Variants in LHFPL3 observed in about 807,000 individuals in gnomAD.
The protein encoded by LHFPL3 is LHFPL tetraspan subfamily member 3 protein.
A neutral mutation model predicts 19.3 loss-of-function variants in LHFPL3; 5 were observed. The ratio of observed to expected loss-of-function variants is 0.26; its 90% CI spans 0.14 to 0.54. LHFPL3 has a LOEUF of 0.54. Among genes scored for constraint, LHFPL3 ranks in the 20% least tolerant of loss-of-function variants. LHFPL3 has a pLI of 0.94. For synonymous variants in LHFPL3, 133 were observed against 126.2 expected (o/e 1.05, Z -0.36); for missense variants, 249 against 307.4 (o/e 0.81, Z 1.42).
Position 104,879,618 on chromosome 7 carries a change from G to A in LHFPL3, c.683-26569G>A, listed in dbSNP as rs191233056. ...CACACACTTGTAGTCCTAGCTACTC[G>A]AGAGGCTGAGGTAGGAGGATTACTT... On this transcript the variant is annotated intron_variant, in intron 2 of 2. Transcript: ENST00000424859. 1.9e-3 allele frequency among the ~76,000 whole-genome samples: 285 copies of A among 152,232 alleles called. 1 individual carries two copies. Among genetic ancestry groups the A allele is most frequent in the African/African-American group, 6.4e-3 (264 of 41,534 alleles).
chr7:104,852,301 A>G (rs1791427904), intron 2 of LHFPL3, among the ~76,000 whole-genome samples: 1 of 152,232 alleles, frequency 6.6e-6, no homozygotes, highest in Admixed American at 6.5e-5. Context: ...AGAAGCCACA[A>G]ATGATTTGAA....
At chr7:104,864,353 C>A (rs1433812730) in intron 2 of LHFPL3, among the ~76,000 whole-genome samples, 1 of 136,960 alleles carries the variant, frequency 7.3e-6, no homozygotes, top group Non-Finnish European at 1.5e-5. Flanking sequence ...TCAGGGAATT[C>A]TCTTTCCTAG....
At chr7:104,864,691 G>A (rs958819571) in intron 2 of LHFPL3, among the ~76,000 whole-genome samples, 1 of 152,234 alleles carries the variant, frequency 6.6e-6, no homozygotes, top group Non-Finnish European at 1.5e-5. Flanking sequence ...ACAAAAGGCA[G>A]CAGAATCCTC....
intron 1 of LHFPL3, among the ~76,000 whole-genome samples, chr7:104,641,696 G>A (rs750086596): frequency 6.6e-6 from 1 of 152,160 alleles, no homozygotes; most frequent in South Asian, 2.1e-4. Context: ...AGGGGAGGGG[G>A]AAAGCTTTAT....
At chr7:104,448,471 T>C (rs1376775987) in intron 1 of LHFPL3, among the ~76,000 whole-genome samples, 1 of 152,204 alleles carries the variant, frequency 6.6e-6, no homozygotes, top group Non-Finnish European at 1.5e-5. Flanking sequence ...AGCCATTACA[T>C]TGCAGTTCAT....
chr7:104,746,227 G>A (rs541937550), intron 2 of LHFPL3, among the ~76,000 whole-genome samples: 8 of 152,234 alleles, frequency 5.3e-5, no homozygotes, highest in South Asian at 2.1e-4. Flanking sequence ...CAGGAGAATC[G>A]CTTAAACCCA....
chr7:104,591,059 C>G, intron 1 of LHFPL3, among the ~76,000 whole-genome samples: 1 of 151,884 alleles, frequency 6.6e-6, no homozygotes, highest in South Asian at 2.1e-4. Flanking sequence ...GGTCCTGACT[C>G]TTTATCCAAT....
chr7:104,627,841 T>C (rs1277706618), intron 1 of LHFPL3, among the ~76,000 whole-genome samples: 1 of 152,180 alleles, frequency 6.6e-6, no homozygotes. Context: ...GGCTAGACCT[T>C]CCCCAATGCA....
chr7:104,887,396 A>C (rs1391612422), intron 2 of LHFPL3, among the ~76,000 whole-genome samples: 5 of 152,172 alleles, frequency 3.3e-5, no homozygotes, highest in Non-Finnish European at 7.3e-5. Flanking sequence ...GTGGTCAATA[A>C]AGGGAGTATT....
At chr7:104,465,183 T>C (rs1039294800) in intron 1 of LHFPL3, among the ~76,000 whole-genome samples, 14 of 152,186 alleles carry the variant, frequency 9.2e-5, no homozygotes, top group African/African-American at 3.4e-4. Context: ...GACTTCATTG[T>C]CCATATCACC....
chr7:104,774,706 A>C (rs192121650), intron 2 of LHFPL3, among the ~76,000 whole-genome samples: 1 of 152,356 alleles, frequency 6.6e-6, no homozygotes, highest in African/African-American at 2.4e-5. Context: ...GCTGGGCATC[A>C]AGATATGGTC....
At chr7:104,814,653 T>C (rs554747554) in intron 2 of LHFPL3, among the ~76,000 whole-genome samples, 130 of 152,292 alleles carry the variant, frequency 8.5e-4, no homozygotes, top group African/African-American at 3.0e-3. Context: ...ATCCAGGCTA[T>C]AGGTGCCAAG....
At chr7:104,879,820 G>A (rs989802716) in intron 2 of LHFPL3, among the ~76,000 whole-genome samples, 5 of 152,230 alleles carry the variant, frequency 3.3e-5, no homozygotes, top group African/African-American at 7.2e-5. Flanking sequence ...ACAGATTTTC[G>A]TGTAGACAAA....
At chr7:104,679,624 T>C (rs1792657161) in intron 1 of LHFPL3, among the ~76,000 whole-genome samples, 1 of 152,236 alleles carries the variant, frequency 6.6e-6, no homozygotes, top group Admixed American at 6.5e-5. Context: ...AGAACTTACA[T>C]TCTGAGATTT....
Position 104,773,010 on chromosome 7 carries a change from C to A in LHFPL3, c.682+36099C>A, listed in dbSNP as rs541981188. On this transcript the variant is annotated intron_variant, in intron 2 of 2. Transcript: ENST00000424859. ...AAGCTGAGGCAGGTTTTTCTTTTAA[C>A]CTATTTATTAAAATTTTATGAGTAA... is the stretch of plus-strand genomic sequence containing the variant. Among the ~76,000 whole-genome samples the A allele has an allele frequency of 3.9e-5, 6 of 152,350 alleles. No homozygotes were observed. In the South Asian group the frequency reaches 1.2e-3, roughly 32 times the overall value.
Position 104,329,032 on chromosome 7 carries a change from T to A in LHFPL3, c.253T>A (p.Ser85Thr), listed in dbSNP as rs574118751. Reference sequence around the variant, plus strand: ...CCACTACTGCATCGGCAACGGCTTCTCCCGGGAGCTGACCTGCAGGGGCAG... The same window carrying A: ...CCACTACTGCATCGGCAACGGCTTCACCCGGGAGCTGACCTGCAGGGGCAG... ...LFHYCIGNGF[S>T]RELTCRGSFT... is the part of the protein sequence containing the mutation. The change falls in exon 1 of 3, where the codon TCC becomes ACC. Residue 85 changes from serine to threonine, a missense_variant. By Grantham distance (58) the Ser-to-Thr change is moderately conservative. Transcript: ENST00000424859. 1.9e-6 allele frequency: 3 copies of A among 1,614,032 alleles called. No individual in the cohort carries two copies. In the South Asian group the frequency reaches 3.3e-5, roughly 18 times the overall value.
chr7:104,723,302 G>A (rs117379115), intron 1 of LHFPL3, among the ~76,000 whole-genome samples: 2 of 152,188 alleles, frequency 1.3e-5, no homozygotes, highest in East Asian at 1.9e-4. Context: ...TGAAATCATC[G>A]GTGATATCCT....
At chr7:104,574,960 G>A (rs1236995659) in intron 1 of LHFPL3, among the ~76,000 whole-genome samples, 7 of 152,302 alleles carry the variant, frequency 4.6e-5, no homozygotes, top group Non-Finnish European at 1.0e-4. Flanking sequence ...TACATTTTAA[G>A]TAAAATATAA....
chr7:104,874,574 T>G (rs1791901841), intron 2 of LHFPL3, among the ~76,000 whole-genome samples: 1 of 152,084 alleles, frequency 6.6e-6, no homozygotes, highest in African/African-American at 2.4e-5. Flanking sequence ...TTTTGTATTT[T>G]TTGTATTTTA....
Sources: allele counts gnomAD v4.1 joint callset (sites outside exome capture counted in the v4.1 genomes callset), GRCh38; gene constraint gnomAD v4.1.1; transcripts MANE v1.5; gene names NCBI Gene and HGNC (gene_info 2026-07-23, HGNC 2026-07-21).